The following CFTR variants were observed in gnomAD, a reference collection of about 807,000 sequenced individuals.
CFTR encodes the protein cystic fibrosis transmembrane conductance regulator.
Under a neutral mutation model 171.6 loss-of-function variants are expected in CFTR, and 181 were observed. The observed-to-expected ratio is 1.05, with a 90% confidence interval of 0.93 to 1.19. The LOEUF is 1.19. CFTR is among the 50% of genes most tolerant of loss of function. The pLI is 0.00. For missense variants in CFTR, 1,968 were observed against 1,734.7 expected, an observed-to-expected ratio of 1.13 and a Z score of -2.39; for synonymous variants, 583 against 608.0, an observed-to-expected ratio of 0.96 and a Z score of 0.60.
chr7:117,544,089 T>A (rs1031188085), intron 9 of CFTR, among the ~76,000 whole-genome samples: 3 of 152,192 alleles, frequency 2.0e-5, no homozygotes, highest in Admixed American at 1.3e-4. Context: ...CCTTTTGAAC[T>A]CCTCCTGATT....
chr7:117,578,689 G>A (rs1292233176), intron 11 of CFTR, among the ~76,000 whole-genome samples: 1 of 152,038 alleles, frequency 6.6e-6, no homozygotes, highest in Non-Finnish European at 1.5e-5. Flanking sequence ...ATATTATTGA[G>A]GAGAGCATTT....
intron 10 of CFTR, among the ~76,000 whole-genome samples, chr7:117,550,166 C>G (rs1023652799): frequency 6.6e-6 from 1 of 151,884 alleles, no homozygotes; most frequent in East Asian, 1.9e-4. Context: ...CAAACCCCAC[C>G]TCTACAAAAA....
At chr7:117,557,349 A>G (rs1799377744) in intron 10 of CFTR, among the ~76,000 whole-genome samples, 1 of 152,158 alleles carries the variant, frequency 6.6e-6, no homozygotes, top group African/African-American at 2.4e-5. Flanking sequence ...CACATAAAAG[A>G]ATATATTCGT....
intron 24 of CFTR, among the ~76,000 whole-genome samples, chr7:117,657,990 C>T (rs1793209881): frequency 6.6e-6 from 1 of 152,160 alleles, no homozygotes; most frequent in African/African-American, 2.4e-5. Context: ...AAAGCTGGTC[C>T]AGAGAGCCTC....
chr7:117,562,541 G>C (rs1791526335), intron 11 of CFTR, among the ~76,000 whole-genome samples: 1 of 152,156 alleles, frequency 6.6e-6, no homozygotes. Flanking sequence ...ATGGCAATGG[G>C]GTTGGGAAGT....
At chr7:117,606,003 A>T (rs759058583) in intron 17 of CFTR, among the ~76,000 whole-genome samples, 2 of 152,198 alleles carry the variant, frequency 1.3e-5, no homozygotes, top group Non-Finnish European at 2.9e-5. Context: ...AGCATGGCTT[A>T]TTCACCTCAG....
intron 4 of CFTR, among the ~76,000 whole-genome samples, chr7:117,533,765 C>A (rs1183917982): frequency 6.6e-6 from 1 of 152,004 alleles, no homozygotes; most frequent in Non-Finnish European, 1.5e-5. Context: ...TATAGCATTG[C>A]ATTTTTCTTT....
At chr7:117,543,884 GAC>G (rs1799096918) in intron 9 of CFTR, among the ~76,000 whole-genome samples, 2 of 152,238 alleles carry the variant, frequency 1.3e-5, no homozygotes, top group South Asian at 4.1e-4. Flanking sequence ...ATTTTGTAGT[GAC>G]TTCTTTAAAA....
At chr7:117,534,185 A>G (rs1798908428) in intron 4 of CFTR, 91 bp from the exon 5 acceptor site, 1 of 687,280 alleles carries the variant, frequency 1.5e-6, no homozygotes, top group African/African-American at 1.8e-5. Flanking sequence ...TAATGAATGC[A>G]TAATAACTGA....
intron 11 of CFTR, among the ~76,000 whole-genome samples, chr7:117,579,706 G>A (rs1344063353): frequency 4.8e-5 from 7 of 145,962 alleles, no homozygotes; most frequent in Non-Finnish European, 7.5e-5. Context: ...AAAAAACCTA[G>A]CACAGTGTTA....
At chr7:117,655,093 G>T (rs1793148194) in intron 24 of CFTR, among the ~76,000 whole-genome samples, 1 of 152,014 alleles carries the variant, frequency 6.6e-6, no homozygotes, top group East Asian at 1.9e-4. Flanking sequence ...ATCAAATTTG[G>T]CCACACCCTT....
chr7:117,560,104 G>T (rs1365511213), intron 11 of CFTR, among the ~76,000 whole-genome samples: 1 of 152,034 alleles, frequency 6.6e-6, no homozygotes, highest in Non-Finnish European at 1.5e-5. Flanking sequence ...GCATTGATCT[G>T]CCAGCAGAGA....
At chr7:117,626,279 C>A (rs1792648459) in intron 21 of CFTR, among the ~76,000 whole-genome samples, 1 of 152,062 alleles carries the variant, frequency 6.6e-6, no homozygotes, top group Admixed American at 6.6e-5. Flanking sequence ...CTTTATCCAC[C>A]AATCATTCCA....
chr7:117,585,271 T>C (rs1428929576), intron 11 of CFTR, among the ~76,000 whole-genome samples: 3 of 152,112 alleles, frequency 2.0e-5, no homozygotes, highest in Non-Finnish European at 4.4e-5. Context: ...CTTCCCTGTC[T>C]CTTTTCCTTC....
intron 24 of CFTR, among the ~76,000 whole-genome samples, chr7:117,663,669 AAT>A (rs904735457): frequency 6.6e-6 from 1 of 152,172 alleles, no homozygotes; most frequent in Non-Finnish European, 1.5e-5. Context: ...TTATCTCTGA[AAT>A]CATAAGATTC....
At position 117,666,961 on chromosome 7, in the gene CFTR, C is replaced by A; in HGVS notation, c.4296C>A (p.Asn1432Lys). ...RQYDSIQKLLNERSLFRQAIS... is the reference protein window; with the variant it reads ...RQYDSIQKLLKERSLFRQAIS... ...ACGATTCCATCCAGAAACTGCTGAACGAGAGGAGCCTCTTCCGGCAAGCCA... is the reference window on the plus strand; with the variant it reads ...ACGATTCCATCCAGAAACTGCTGAAAGAGAGGAGCCTCTTCCGGCAAGCCA... Residue 1432 changes from asparagine (N) to lysine (K), a missense_variant, in exon 27 of 27, where the codon AAC (asparagine) becomes AAA (lysine). Transcript: ENST00000003084. The A allele has an allele frequency of 6.2e-7, 1 of 1,614,026 alleles. No homozygotes were observed. Among genetic ancestry groups the A allele is most frequent in the Non-Finnish European group, 8.5e-7 (1 of 1,179,988 alleles).
intron 15 of CFTR, among the ~76,000 whole-genome samples, chr7:117,595,396 A>G (rs1207972111): frequency 6.6e-6 from 1 of 150,580 alleles, no homozygotes; most frequent in Non-Finnish European, 1.5e-5. Flanking sequence ...TTAATAATAA[A>G]GGTTAAGAGA....
At chr7:117,537,077 G>A (rs1293646026) in intron 7 of CFTR, among the ~76,000 whole-genome samples, 2 of 152,056 alleles carry the variant, frequency 1.3e-5, no homozygotes, top group Non-Finnish European at 2.9e-5. Context: ...TATGTGTTAT[G>A]GTATATTAAA....
chr7:117,587,766 A>G lies in CFTR; in HGVS notation c.1612A>G (p.Asn538Asp). Residue 538 changes from asparagine to aspartate, a missense_variant, in exon 12 of 27, where the codon AAT (asparagine) becomes GAT (aspartate). Asn to Asp is a conservative substitution (Grantham distance 23). Transcript: ENST00000003084. The stretch of plus-strand genomic sequence containing the variant: ...CATCTCCAAGTTTGCAGAGAAAGAC[A>G]ATATAGTTCTTGGAGAAGGTGGAAT... ...EDISKFAEKD[N>D]IVLGEGGITL... 2 of 1,611,406 alleles carry G rather than the reference A, an allele frequency of 1.2e-6. No homozygotes were observed. Among genetic ancestry groups the G allele is most frequent in the Non-Finnish European group, 1.7e-6 (2 of 1,177,750 alleles).
Sources: allele counts gnomAD v4.1 joint callset (sites outside exome capture counted in the v4.1 genomes callset), GRCh38; gene constraint gnomAD v4.1.1; transcripts MANE v1.5; gene names NCBI Gene and HGNC (gene_info 2026-07-23, HGNC 2026-07-21).